Variants in SLC16A4 observed in about 807,000 individuals in gnomAD.
SLC16A4 encodes the protein solute carrier family 16 member 4.
A neutral mutation model predicts 47.9 loss-of-function variants in SLC16A4; 39 were observed. The observed-to-expected ratio is 0.81, with a 90% CI of 0.63 to 1.06. SLC16A4 has a LOEUF of 1.06. Ranked by LOEUF, SLC16A4 falls within the 50% of genes least tolerant of loss-of-function variation. The pLI, the probability that SLC16A4 is intolerant of heterozygous loss-of-function variation, is 0.00. For missense variants in SLC16A4, 524 were observed against 573.8 expected (o/e 0.91, Z 0.89); for synonymous variants, 189 against 199.9 (o/e 0.95, Z 0.46).
chr1:110,373,956 C>T (rs1435371825), intron 8 of SLC16A4, among the ~76,000 whole-genome samples: 3 of 146,316 alleles, frequency 2.1e-5, no homozygotes, highest in Non-Finnish European at 4.6e-5. Context: ...GGATTATAGG[C>T]GTGAGCTACT....
chr1:110,370,242 T>A (rs1012834112), intron 8 of SLC16A4: 1 of 152,208 alleles, frequency 6.6e-6, no homozygotes, highest in Non-Finnish European at 1.5e-5. Flanking sequence ...TACTTTTTTT[T>A]AGCCTTTTTT....
intron 2 of SLC16A4, among the ~76,000 whole-genome samples, chr1:110,384,516 A>G (rs762613339): frequency 6.6e-6 from 1 of 152,198 alleles, no homozygotes; most frequent in Admixed American, 6.5e-5. Flanking sequence ...AATTCTAGTT[A>G]GCCGGGGGGC....
intron 7 of SLC16A4, among the ~76,000 whole-genome samples, chr1:110,376,432 T>G (rs540172198): frequency 3.1e-4 from 47 of 152,300 alleles, no homozygotes; most frequent in Middle Eastern, 3.4e-3. Flanking sequence ...AGTGTTTGTA[T>G]AAGTATTTTG....
chr1:110,381,696 GC>G lies in SLC16A4; in HGVS notation c.319del (p.Ala107ProfsTer9). ...VTGGYLISSW[A>X]TSIPFLCVTM... Reference sequence around the variant, plus strand: ...CACACAAAGAAAAGGAATACTTGTGGCCCAGCTGCTGATCAGATATCCACCA... The same window carrying G: ...CACACAAAGAAAAGGAATACTTGTGGCCAGCTGCTGATCAGATATCCACCA... On this transcript the variant is annotated frameshift_variant, in exon 4 of 9. Transcript: ENST00000369779. LOFTEE classifies it high-confidence loss of function. 1 of 1,613,544 alleles carries G rather than the reference GC, an allele frequency of 6.2e-7. No individual in the cohort carries two copies. The highest frequency in any genetic ancestry group is 1.3e-5 in the African/African-American group (1 of 74,988).
intron 6 of SLC16A4, 58 bp downstream of exon 6, chr1:110,378,795 C>T (rs995935184): frequency 1.3e-6 from 2 of 1,520,460 alleles, no homozygotes; most frequent in Non-Finnish European, 1.8e-6. Flanking sequence ...ATGTAATAAG[C>T]TTGTAAAATT....
In SLC16A4 at chr1:110,390,954, T is replaced by C. The variant is rs932542726; in HGVS notation, c.-122A>G. ...TACACCGTTTTCTGGAATGTTACTC[T>C]TTTTCTAAGGCATTTCATTTTGCTG... On this transcript the variant is annotated 5_prime_UTR_variant, in exon 1 of 9. Coordinates refer to ENST00000369779, the MANE Select transcript of SLC16A4 (RefSeq NM_004696.3). 1 of 152,224 alleles carries C rather than the reference T, an allele frequency of 6.6e-6. No individual in the cohort carries two copies. Among genetic ancestry groups the C allele is most frequent in the Non-Finnish European group, 1.5e-5 (1 of 68,044 alleles). The allele number at this position is 152,224 out of a possible 1,614,324, so 9.4% of individuals were successfully genotyped here. A position where few individuals can be genotyped will look rare whatever the true frequency, so the allele number is the denominator to read the frequency against.
chr1:110,370,829 T>G (rs1661649527), intron 8 of SLC16A4: 1 of 152,198 alleles, frequency 6.6e-6, no homozygotes, highest in South Asian at 2.1e-4. Context: ...TTAAAGTCAT[T>G]TTATTATCCC....
rs1003155793 is a variant in SLC16A4, at chr1:110,391,003, G to T, written c.-171C>A. 1.3e-5 allele frequency: 2 copies of T among 152,228 alleles called. No individual in the cohort carries two copies. Among genetic ancestry groups the T allele is most frequent in the Non-Finnish European group, 2.9e-5 (2 of 68,040 alleles). 9.4% of individuals were successfully genotyped at this position (152,228 alleles called of 1,614,324 possible). ...TGCATTGTGAAAACAAGTGAGCATT[G>T]TAAGAGCCAAGGAGGGCTCAGACGA... On this transcript the variant is annotated 5_prime_UTR_variant, in exon 1 of 9. Transcript: ENST00000369779.
intron 2 of SLC16A4, among the ~76,000 whole-genome samples, chr1:110,385,839 C>A (rs530305014): frequency 1.6e-4 from 25 of 152,320 alleles, no homozygotes; most frequent in African/African-American, 5.8e-4. Flanking sequence ...ATCAGGCCCC[C>A]ATTGAGGCAA....
At chr1:110,371,223 T>A (rs1190129634) in intron 8 of SLC16A4, 1 of 152,198 alleles carries the variant, frequency 6.6e-6, no homozygotes, top group East Asian at 1.9e-4. Context: ...TCAGAAGATA[T>A]TTGTGATTAA....
intron 2 of SLC16A4, among the ~76,000 whole-genome samples, chr1:110,383,742 A>T (rs1244901355): frequency 6.7e-6 from 1 of 149,618 alleles, no homozygotes; most frequent in Non-Finnish European, 1.5e-5. Context: ...TACAAAGGCA[A>T]TCTAGTCCCC....
rs375269097 is a variant in SLC16A4, at chr1:110,377,148, C to T, written c.1044G>A (p.Thr348=). 41 of 1,613,468 alleles carry T rather than the reference C, an allele frequency of 2.5e-5. 1 individual carries two copies. The Middle Eastern group carries it at 4.9e-4, about 19-fold the overall frequency. The change falls in exon 7 of 9, where the codon ACG becomes ACA. Residue 348 remains threonine (T), a synonymous_variant. Coordinates refer to ENST00000369779, the MANE Select transcript of SLC16A4 (RefSeq NM_004696.3). ...YLVSVAGILE[T]VSQIISGWVA... ...CCCATCCAGAAATAATCTGACTGAC[C>T]GTCTCAAGGATACCTGGAACAATAT...
chr1:110,390,106 A>AT (rs919704966), intron 1 of SLC16A4, among the ~76,000 whole-genome samples: 3 of 151,678 alleles, frequency 2.0e-5, no homozygotes, highest in Non-Finnish European at 4.4e-5. Flanking sequence ...ACCACTTGTA[A>AT]TTTTTTTTTA....
At chr1:110,389,395 ACTAAT>A (rs1461533506) in intron 1 of SLC16A4, 40 bp from the exon 2 acceptor site, 12 of 1,161,154 alleles carry the variant, frequency 1.0e-5, no homozygotes, top group Non-Finnish European at 1.4e-5. Flanking sequence ...TGGACCAGAA[ACTAAT>A]CTAAACTTTT....
Position 110,382,817 on chromosome 1 carries a change from T to C in SLC16A4, c.220+17A>G. 6.4e-7 allele frequency: 1 copy of C among 1,560,788 alleles called. No homozygotes were observed. Among genetic ancestry groups the C allele is most frequent in the East Asian group, 2.3e-5 (1 of 43,936 alleles). ...GGTTCTTCTCCTTAGACAGCAAGCT[T>C]ATTGCCAGCTTTATACCTGCACAAA... On this transcript the variant is annotated intron_variant, in intron 3 of 8. Coordinates refer to ENST00000369779, the MANE Select transcript of SLC16A4 (RefSeq NM_004696.3).
At position 110,380,988 on chromosome 1, in the gene SLC16A4, A is replaced by C; in HGVS notation, c.520T>G (p.Trp174Gly). The change falls in exon 5 of 9, where the codon TGG becomes GGG. Residue 174 changes from tryptophan to glycine, a missense_variant. Trp to Gly is a radical substitution (Grantham distance 184, BLOSUM62 -2). Coordinates refer to ENST00000369779, the MANE Select transcript of SLC16A4 (RefSeq NM_004696.3). ...FTKFLIDLYD[W>G]TGALILFGAI... is the part of the protein sequence containing the mutation. Reference sequence around the variant, plus strand: ...TAAACTTAGAATGACGTACCTGTCCAGTCATACAGATCTATCAGGAATTTT... The same window carrying C: ...TAAACTTAGAATGACGTACCTGTCCCGTCATACAGATCTATCAGGAATTTT... 1.2e-6 allele frequency: 2 copies of C among 1,613,792 alleles called. No homozygotes were observed.
intron 3 of SLC16A4, among the ~76,000 whole-genome samples, chr1:110,382,334 C>G (rs1183677173): frequency 1.3e-5 from 2 of 152,082 alleles, no homozygotes; most frequent in African/African-American, 4.8e-5. Flanking sequence ...TGGCGGGCGC[C>G]TGTAATCCCA....
rs1662174331 is a variant in SLC16A4, at chr1:110,378,833, G to A, written c.1030+20C>T. The stretch of plus-strand genomic sequence containing the variant: ...GTTGATCTTTCCTTTTGGGTAGGAG[G>A]CTGATGTAGGCTTTCTTACCTGCTA... On this transcript the variant is annotated intron_variant, in intron 6 of 8. Coordinates refer to ENST00000369779, the MANE Select transcript of SLC16A4 (RefSeq NM_004696.3). 1.3e-6 allele frequency: 2 copies of A among 1,573,814 alleles called. No individual in the cohort carries two copies. Among genetic ancestry groups the A allele is most frequent in the Non-Finnish European group, 1.7e-6 (2 of 1,161,980 alleles).
At chr1:110,366,592 T>C (rs1661413144) in intron 8 of SLC16A4, among the ~76,000 whole-genome samples, 1 of 152,238 alleles carries the variant, frequency 6.6e-6, no homozygotes, top group Non-Finnish European at 1.5e-5. Context: ...TATCTTTCTA[T>C]GTTTAGATAC....
Sources: gnomAD v4.1 joint callset for allele counts (sites outside exome capture counted in the v4.1 genomes callset) on GRCh38, gnomAD v4.1.1 for gene constraint, MANE v1.5 for transcripts, NCBI Gene and HGNC (gene_info 2026-07-23, HGNC 2026-07-21) for gene names.